Variants in CDYL observed in about 807,000 individuals in gnomAD.
CDYL encodes the protein chromodomain Y like.
A neutral mutation model predicts 47.3 loss-of-function variants in CDYL; 8 were observed. The ratio of observed to expected loss-of-function variants is 0.17; its 90% CI spans 0.10 to 0.31. The LOEUF (loss-of-function observed/expected upper bound fraction) is 0.31. CDYL is among the 10% of genes least tolerant of loss of function. The probability of loss-of-function intolerance (pLI) is 1.00; values close to 1 mark genes in which losing one functional copy is unlikely to be tolerated. For missense variants in CDYL, 471 were observed against 701.4 expected, an observed-to-expected ratio of 0.67 and a Z score of 3.71; for synonymous variants, 266 against 265.0, an observed-to-expected ratio of 1.00 and a Z score of -0.04.
chr6:4,894,915 A>G (rs1476906417), intron 2 of CDYL, among the ~76,000 whole-genome samples: 1 of 147,542 alleles, frequency 6.8e-6, no homozygotes, highest in Non-Finnish European at 1.5e-5. Flanking sequence ...ACGTGTGTAT[A>G]TATACACATA....
At chr6:4,723,778 A>G (rs1431926885) in intron 2 of CDYL, among the ~76,000 whole-genome samples, 2 of 152,334 alleles carry the variant, frequency 1.3e-5, no homozygotes, top group East Asian at 3.9e-4. Context: ...TGCTCTTGGC[A>G]ACTTAAAAAT....
intron 1 of CDYL, among the ~76,000 whole-genome samples, chr6:4,795,242 A>T (rs2127436505): frequency 6.6e-6 from 1 of 151,862 alleles, no homozygotes; most frequent in South Asian, 2.1e-4. Context: ...TTTATTGCAG[A>T]TTGTTGTTTT....
intron 2 of CDYL, among the ~76,000 whole-genome samples, chr6:4,917,208 TG>T (rs1757583193): frequency 6.6e-6 from 1 of 152,206 alleles, no homozygotes; most frequent in African/African-American, 2.4e-5. Context: ...AAGAACCTCA[TG>T]GAGAAATTTA....
At chr6:4,878,746 T>C (rs932733380) in intron 1 of CDYL, among the ~76,000 whole-genome samples, 1 of 152,142 alleles carries the variant, frequency 6.6e-6, no homozygotes, top group Non-Finnish European at 1.5e-5. Flanking sequence ...TTAATTGTTA[T>C]TTGTATTGCT....
chr6:4,875,221 A>G (rs1761587384), intron 1 of CDYL, among the ~76,000 whole-genome samples: 1 of 152,142 alleles, frequency 6.6e-6, no homozygotes, highest in Non-Finnish European at 1.5e-5. Flanking sequence ...CACTGTAGTA[A>G]GACTTGAATT....
intron 3 of CDYL, among the ~76,000 whole-genome samples, chr6:4,762,373 T>G (rs1758187889): frequency 6.6e-6 from 1 of 152,176 alleles, no homozygotes; most frequent in African/African-American, 2.4e-5. Context: ...TATTTCTACA[T>G]TTTGTAGATC....
intron 1 of CDYL, among the ~76,000 whole-genome samples, chr6:4,859,048 C>T (rs1023615352): frequency 2.0e-5 from 3 of 152,170 alleles, no homozygotes; most frequent in African/African-American, 4.8e-5. Context: ...AGTCCTAGAG[C>T]TAGAATCATT....
chr6:4,716,992 G>T (rs1229917660), intron 2 of CDYL, among the ~76,000 whole-genome samples: 1 of 152,210 alleles, frequency 6.6e-6, no homozygotes, highest in African/African-American at 2.4e-5. Context: ...GAAAGACTTG[G>T]TGGAGGTTCA....
At chr6:4,752,911 G>GGT (rs1354199197) in intron 3 of CDYL, among the ~76,000 whole-genome samples, 13 of 148,532 alleles carry the variant, frequency 8.8e-5, no homozygotes, top group South Asian at 4.2e-4. Flanking sequence ...TAGGTAGGTA[G>GGT]ATAGATAGAT....
intron 3 of CDYL, among the ~76,000 whole-genome samples, chr6:4,770,665 T>C (rs191519039): frequency 5.9e-5 from 9 of 152,340 alleles, no homozygotes; most frequent in Non-Finnish European, 1.3e-4. Context: ...TGCATACTAT[T>C]CTGATTCGTT....
intron 1 of CDYL, among the ~76,000 whole-genome samples, chr6:4,888,951 G>T (rs1380899801): frequency 2.0e-5 from 3 of 152,194 alleles, no homozygotes; most frequent in Non-Finnish European, 2.9e-5. Context: ...GAACTTGCAT[G>T]ATTGCAATCC....
intron 1 of CDYL, among the ~76,000 whole-genome samples, chr6:4,837,361 T>TA (rs1165280822): frequency 6.6e-6 from 1 of 152,112 alleles, no homozygotes; most frequent in Non-Finnish European, 1.5e-5. Context: ...GTAGTTTTAT[T>TA]AAAAAAATTT....
At chr6:4,949,803 TTTG>T (rs1419315670) in intron 5 of CDYL, among the ~76,000 whole-genome samples, 15 of 152,352 alleles carry the variant, frequency 9.8e-5, no homozygotes, top group Admixed American at 2.0e-4. Flanking sequence ...CCAAGGGAGA[TTTG>T]TTGTTGTTGT....
chr6:4,787,410 G>T (rs1303203946), intron 1 of CDYL, among the ~76,000 whole-genome samples: 1 of 152,168 alleles, frequency 6.6e-6, no homozygotes, highest in Non-Finnish European at 1.5e-5. Flanking sequence ...TCTTGATTCG[G>T]TTGATAGATA....
intron 3 of CDYL, chr6:4,734,921 C>T: frequency 6.3e-7 from 1 of 1,581,148 alleles, no homozygotes; most frequent in East Asian, 2.3e-5. Context: ...TCGCCCCACA[C>T]CACACTCTCC....
intron 1 of CDYL, among the ~76,000 whole-genome samples, chr6:4,823,402 C>T (rs1759893721): frequency 1.3e-5 from 2 of 152,206 alleles, no homozygotes; most frequent in South Asian, 2.1e-4. Flanking sequence ...CATGGAAAGT[C>T]AGTGTTCAGA....
At position 4,809,644 on chromosome 6, in the gene CDYL, A is replaced by G. The variant is rs976476971; in HGVS notation, c.24+32837A>G. ...ATATTAGTCCTTGGTGATATTTTGTATGGTAGGGGTATTATATTAGTCCTT... is the reference window on the plus strand; with the variant it reads ...ATATTAGTCCTTGGTGATATTTTGTGTGGTAGGGGTATTATATTAGTCCTT... On this transcript the variant is annotated intron_variant, in intron 1 of 6. Coordinates refer to ENST00000397588, the MANE Select transcript of CDYL (RefSeq NM_004824.4). Among the ~76,000 whole-genome samples the G allele has an allele frequency of 7.3e-5, 11 of 151,148 alleles. No individual in the cohort carries two copies. The South Asian group carries it at 8.3e-4, about 11-fold the overall frequency.
intron 1 of CDYL, among the ~76,000 whole-genome samples, chr6:4,872,005 G>A (rs772103495): frequency 1.3e-5 from 2 of 152,152 alleles, no homozygotes; most frequent in African/African-American, 2.4e-5. Flanking sequence ...GTTGTATTCT[G>A]GTTCCTAAAT....
chr6:4,920,001 A>G (rs1034960674), intron 2 of CDYL, among the ~76,000 whole-genome samples: 3 of 152,228 alleles, frequency 2.0e-5, no homozygotes, highest in African/African-American at 4.8e-5. Context: ...TATCCGCAGA[A>G]TGGAATATGA....
Sources: allele counts gnomAD v4.1 joint callset (sites outside exome capture counted in the v4.1 genomes callset), GRCh38; gene constraint gnomAD v4.1.1; transcripts MANE v1.5; gene names NCBI Gene and HGNC (gene_info 2026-07-23, HGNC 2026-07-21).